Variants in ADAMTSL3 observed in about 807,000 individuals in gnomAD.
ADAMTSL3 encodes the protein ADAMTS-like protein 3.
ADAMTSL3 carries 128 observed loss-of-function variants against 201.7 expected under a neutral mutation model. That is an observed-to-expected ratio of 0.63 (90% CI 0.55 to 0.73). The LOEUF (loss-of-function observed/expected upper bound fraction) is 0.73. Among genes scored for constraint, ADAMTSL3 ranks in the 30% least tolerant of loss-of-function variants. The pLI, the probability that ADAMTSL3 is intolerant of heterozygous loss-of-function variation, is 0.00. For missense variants in ADAMTSL3, 1,990 were observed against 2,119.6 expected, an observed-to-expected ratio of 0.94 and a Z score of 1.20; for synonymous variants, 738 against 748.4, an observed-to-expected ratio of 0.99 and a Z score of 0.23.
At chr15:84,032,160 G>A (rs955376189) in intron 28 of ADAMTSL3, among the ~76,000 whole-genome samples, 1 of 152,184 alleles carries the variant, frequency 6.6e-6, no homozygotes, top group African/African-American at 2.4e-5. Flanking sequence ...TCTGCAAAGT[G>A]GGATATTATC....
intron 2 of ADAMTSL3, among the ~76,000 whole-genome samples, chr15:83,662,376 G>A (rs1447178738): frequency 2.9e-5 from 4 of 140,314 alleles, no homozygotes; most frequent in Admixed American, 1.5e-4. Flanking sequence ...TGAACAGTGA[G>A]ATCACATGGA....
chr15:83,830,885 G>A (rs1008173302), intron 6 of ADAMTSL3, among the ~76,000 whole-genome samples: 2 of 152,154 alleles, frequency 1.3e-5, no homozygotes, highest in Non-Finnish European at 1.5e-5. Flanking sequence ...GAAAAGAGGA[G>A]GGTGGGTGAC....
chr15:83,699,023 G>A (rs2061727765), intron 2 of ADAMTSL3, among the ~76,000 whole-genome samples: 1 of 151,818 alleles, frequency 6.6e-6, no homozygotes, highest in African/African-American at 2.4e-5. Context: ...TAGAATTGAG[G>A]GTGTCAGGCA....
At chr15:83,846,206 G>A (rs74024580) in intron 7 of ADAMTSL3, among the ~76,000 whole-genome samples, 1,699 of 152,214 alleles carry the variant, frequency 0.011, 34 homozygotes, top group African/African-American at 0.037. Context: ...TGGCCCCCAG[G>A]GTTTGTATGC....
intron 7 of ADAMTSL3, among the ~76,000 whole-genome samples, chr15:83,857,111 T>C (rs984461247): frequency 6.6e-6 from 1 of 152,184 alleles, no homozygotes. Context: ...TATTGGCCAT[T>C]TGTATAGCTG....
chr15:83,788,166 T>A (rs927625793), intron 4 of ADAMTSL3, among the ~76,000 whole-genome samples: 2 of 152,192 alleles, frequency 1.3e-5, no homozygotes, highest in African/African-American at 4.8e-5. Flanking sequence ...CAGAAAAATG[T>A]CATCATTCTA....
chr15:83,827,834 G>A (rs1330518989), intron 6 of ADAMTSL3, among the ~76,000 whole-genome samples: 2 of 152,070 alleles, frequency 1.3e-5, no homozygotes, highest in African/African-American at 2.4e-5. Context: ...TTGTAGATGT[G>A]TGGTATTATT....
In ADAMTSL3 at chr15:84,036,770, C is replaced by T; in HGVS notation, c.4755-3C>T. 2 of 1,604,192 alleles carry T rather than the reference C, an allele frequency of 1.2e-6. No homozygotes were observed. The highest frequency in any genetic ancestry group is 4.5e-5 in the East Asian group (2 of 44,686). ...TTCCGTTTTGTTTTATTTTTCACTTCAGACCCACCTTAAGAAGGAACTGCA... is the reference window on the plus strand; with the variant it reads ...TTCCGTTTTGTTTTATTTTTCACTTTAGACCCACCTTAAGAAGGAACTGCA... On this transcript the variant is annotated splice_polypyrimidine_tract_variant and splice_region_variant and intron_variant, in intron 28 of 29. Coordinates refer to ENST00000286744, the MANE Select transcript of ADAMTSL3 (RefSeq NM_207517.3).
intron 28 of ADAMTSL3, among the ~76,000 whole-genome samples, chr15:84,032,365 G>T (rs2068424723): frequency 6.6e-6 from 1 of 152,184 alleles, no homozygotes; most frequent in Admixed American, 6.5e-5. Context: ...GTTTGGCAAT[G>T]TAGGGTCAGT....
intron 15 of ADAMTSL3, among the ~76,000 whole-genome samples, chr15:83,906,327 G>C (rs2065831903): frequency 6.6e-6 from 1 of 151,980 alleles, no homozygotes. Context: ...AAATTAATTA[G>C]GGGAGAATAA....
intron 2 of ADAMTSL3, among the ~76,000 whole-genome samples, chr15:83,661,278 T>C (rs2141359953): frequency 6.6e-6 from 1 of 151,792 alleles, no homozygotes; most frequent in African/African-American, 2.4e-5. Context: ...CTTTTTTGGT[T>C]CCATATGAAC....
At chr15:83,838,665 A>G (rs1352648060) in intron 7 of ADAMTSL3, among the ~76,000 whole-genome samples, 1 of 152,166 alleles carries the variant, frequency 6.6e-6, no homozygotes, top group Non-Finnish European at 1.5e-5. Context: ...ATATATCACC[A>G]ATACTAACAT....
intron 4 of ADAMTSL3, among the ~76,000 whole-genome samples, chr15:83,795,680 C>T (rs919297880): frequency 6.6e-6 from 1 of 152,098 alleles, no homozygotes; most frequent in African/African-American, 2.4e-5. Context: ...TTTGGAAGTG[C>T]ATGTATATTG....
chr15:83,784,956 T>G (rs1479012990), intron 4 of ADAMTSL3, among the ~76,000 whole-genome samples: 3 of 152,202 alleles, frequency 2.0e-5, no homozygotes, highest in Non-Finnish European at 4.4e-5. Context: ...ACACTCATTG[T>G]CTATCTTAAT....
chr15:83,734,514 T>C (rs2062337883), intron 3 of ADAMTSL3, among the ~76,000 whole-genome samples: 1 of 152,198 alleles, frequency 6.6e-6, no homozygotes, highest in Admixed American at 6.5e-5. Flanking sequence ...CAGATGTTCA[T>C]GTAGGAGTTC....
intron 8 of ADAMTSL3, among the ~76,000 whole-genome samples, chr15:83,866,402 A>G (rs2064977177): frequency 6.6e-6 from 1 of 152,248 alleles, no homozygotes; most frequent in African/African-American, 2.4e-5. Context: ...AATGTGGCAC[A>G]TATACACCAT....
At chr15:83,995,722 A>G (rs1355501973) in intron 23 of ADAMTSL3, among the ~76,000 whole-genome samples, 1 of 152,128 alleles carries the variant, frequency 6.6e-6, no homozygotes, top group Non-Finnish European at 1.5e-5. Context: ...GGATCTCTAC[A>G]TTCAGAATAA....
intron 3 of ADAMTSL3, among the ~76,000 whole-genome samples, chr15:83,737,882 TG>T (rs1378671011): frequency 6.6e-6 from 1 of 152,208 alleles, no homozygotes; most frequent in Non-Finnish European, 1.5e-5. Flanking sequence ...ATAGAATTGG[TG>T]TCAGACTTTC....
chr15:83,845,169 A>T (rs555245308), intron 7 of ADAMTSL3, among the ~76,000 whole-genome samples: 2 of 152,358 alleles, frequency 1.3e-5, no homozygotes, highest in South Asian at 4.1e-4. Context: ...TGACCACTCT[A>T]CGTAAAGTAG....
Sources: allele counts gnomAD v4.1 joint callset (sites outside exome capture counted in the v4.1 genomes callset), GRCh38; gene constraint gnomAD v4.1.1; transcripts MANE v1.5; gene names NCBI Gene and HGNC (gene_info 2026-07-23, HGNC 2026-07-21).